The following KLF12 variants were observed in gnomAD, a reference collection of about 807,000 sequenced individuals.
KLF12 encodes the protein Krueppel-like factor 12.
KLF12 carries 9 observed loss-of-function variants against 37.8 expected under a neutral mutation model. That is an observed-to-expected ratio of 0.24 (90% CI 0.14 to 0.42). KLF12 has a LOEUF of 0.42. Among genes scored for constraint, KLF12 ranks in the 10% least tolerant of loss-of-function variants. The pLI is 1.00. For missense variants in KLF12, 411 were observed against 516.0 expected, an observed-to-expected ratio of 0.80 and a Z score of 1.97; for synonymous variants, 208 against 202.1, an observed-to-expected ratio of 1.03 and a Z score of -0.25.
intron 6 of KLF12, among the ~76,000 whole-genome samples, chr13:73,763,368 G>A (rs1425788102): frequency 1.3e-5 from 2 of 152,146 alleles, no homozygotes; most frequent in Non-Finnish European, 2.9e-5. Flanking sequence ...TAGAAACCAT[G>A]TTTTATTTAT....
At chr13:73,973,102 G>C (rs1891393923) in intron 2 of KLF12, among the ~76,000 whole-genome samples, 1 of 152,148 alleles carries the variant, frequency 6.6e-6, no homozygotes, top group Non-Finnish European at 1.5e-5. Flanking sequence ...AACCCATTTA[G>C]CTTTCTGAAT....
At chr13:74,163,956 T>C in the KLF12 span, among the ~76,000 whole-genome samples, 1 of 151,804 alleles carries the variant, frequency 6.6e-6, no homozygotes, top group Non-Finnish European at 1.5e-5. Flanking sequence ...GAAATATCAG[T>C]ACAATGCATA....
intron 3 of KLF12, among the ~76,000 whole-genome samples, chr13:73,923,113 G>T (rs1359447874): frequency 6.6e-6 from 1 of 152,036 alleles, no homozygotes; most frequent in Non-Finnish European, 1.5e-5. Flanking sequence ...ATTTTAAACA[G>T]TTCAAGTATT....
At chr13:73,892,067 A>C (rs774092352) in intron 3 of KLF12, among the ~76,000 whole-genome samples, 2 of 152,012 alleles carry the variant, frequency 1.3e-5, no homozygotes, top group Non-Finnish European at 2.9e-5. Context: ...CTTCACAGCA[A>C]GTATTTATCC....
At chr13:73,961,542 G>A (rs1286839439) in intron 2 of KLF12, among the ~76,000 whole-genome samples, 1 of 152,144 alleles carries the variant, frequency 6.6e-6, no homozygotes, top group African/African-American at 2.4e-5. Context: ...GTAATTGACG[G>A]ATTGCTAGGG....
intron 1 of KLF12, among the ~76,000 whole-genome samples, chr13:74,130,599 T>C (rs1878205940): frequency 6.7e-6 from 1 of 149,548 alleles, no homozygotes; most frequent in Non-Finnish European, 1.5e-5. Context: ...TGAGCTATGA[T>C]GATGCCACTG....
chr13:74,226,769 C>T, the KLF12 span, among the ~76,000 whole-genome samples: 1 of 152,180 alleles, frequency 6.6e-6, no homozygotes, highest in South Asian at 2.1e-4. Flanking sequence ...CGCTATGTTT[C>T]TCCAGCTAAA....
intron 1 of KLF12, among the ~76,000 whole-genome samples, chr13:74,011,215 G>A (rs1173886319): frequency 6.1e-5 from 8 of 130,936 alleles, no homozygotes; most frequent in African/African-American, 1.5e-4. Flanking sequence ...AGGAGGACTC[G>A]ATTTCAGAAA....
intron 5 of KLF12, among the ~76,000 whole-genome samples, chr13:73,773,121 C>T (rs921158474): frequency 1.3e-5 from 2 of 152,136 alleles, no homozygotes; most frequent in Admixed American, 1.3e-4. Context: ...ATCTGGGGTT[C>T]AGCAGACAAT....
chr13:73,833,769 T>A (rs1439020521), intron 4 of KLF12, among the ~76,000 whole-genome samples: 1 of 152,094 alleles, frequency 6.6e-6, no homozygotes, highest in Admixed American at 6.5e-5. Flanking sequence ...TGAGATGTAT[T>A]TGGTGGAATG....
At chr13:74,121,599 C>A (rs1450116274) in intron 1 of KLF12, among the ~76,000 whole-genome samples, 1 of 151,996 alleles carries the variant, frequency 6.6e-6, no homozygotes, top group Non-Finnish European at 1.5e-5. Context: ...CATCTACATT[C>A]TTGAATTGAG....
At chr13:73,768,117 T>C (rs1392713560) in intron 5 of KLF12, among the ~76,000 whole-genome samples, 1 of 152,190 alleles carries the variant, frequency 6.6e-6, no homozygotes, top group Non-Finnish European at 1.5e-5. Flanking sequence ...CCTGACTGAA[T>C]CCCAGCTTCA....
the KLF12 span, among the ~76,000 whole-genome samples, chr13:74,297,248 A>G: frequency 6.6e-6 from 1 of 152,216 alleles, no homozygotes; most frequent in Non-Finnish European, 1.5e-5. Flanking sequence ...AGGATTTCTC[A>G]GTGTATTCCC....
intron 6 of KLF12, among the ~76,000 whole-genome samples, chr13:73,757,143 A>G (rs895836631): frequency 2.0e-5 from 3 of 152,114 alleles, no homozygotes; most frequent in African/African-American, 7.2e-5. Flanking sequence ...AAATTTACAC[A>G]AAAAAAGAAC....
At chr13:74,202,868 G>A in the KLF12 span, among the ~76,000 whole-genome samples, 2 of 152,080 alleles carry the variant, frequency 1.3e-5, no homozygotes, top group East Asian at 1.9e-4. Flanking sequence ...ATGGATTAAT[G>A]CTTCTTTCCT....
intron 2 of KLF12, among the ~76,000 whole-genome samples, chr13:73,959,906 G>A (rs1361512587): frequency 6.6e-6 from 1 of 152,082 alleles, no homozygotes. Context: ...AGTTAAAATT[G>A]CGGGATCAAC....
chr13:73,766,124 C>T (rs1000984528), intron 5 of KLF12, among the ~76,000 whole-genome samples: 1 of 152,248 alleles, frequency 6.6e-6, no homozygotes, highest in Non-Finnish European at 1.5e-5. Flanking sequence ...CACAGCGCTT[C>T]TCAATGGCTG....
intron 1 of KLF12, among the ~76,000 whole-genome samples, chr13:74,120,007 A>G (rs969281581): frequency 2.0e-5 from 3 of 152,306 alleles, no homozygotes; most frequent in African/African-American, 7.2e-5. Context: ...ATTTCAAAAG[A>G]TATCTTTTCA....
intron 3 of KLF12, among the ~76,000 whole-genome samples, chr13:73,893,479 T>A (rs1887613610): frequency 6.6e-6 from 1 of 150,382 alleles, no homozygotes; most frequent in South Asian, 2.1e-4. Context: ...CCTCCCAGGT[T>A]CAAGTGATTC....
Sources: allele counts gnomAD v4.1 joint callset (sites outside exome capture counted in the v4.1 genomes callset), GRCh38; gene constraint gnomAD v4.1.1; transcripts MANE v1.5; gene names NCBI Gene and HGNC (gene_info 2026-07-23, HGNC 2026-07-21).